Variants in SLC8A3 observed in about 807,000 individuals in gnomAD.
SLC8A3 encodes sodium/calcium exchanger 3.
In SLC8A3, 37 loss-of-function variants were observed where a neutral mutation model predicts 65.4. The observed-to-expected ratio is 0.57, with a 90% CI of 0.44 to 0.74. The LOEUF is 0.74. Ranked by LOEUF, SLC8A3 falls within the 30% of genes least tolerant of loss-of-function variation. The pLI is 0.00. For synonymous variants in SLC8A3, 461 were observed against 444.5 expected, an observed-to-expected ratio of 1.04 and a Z score of -0.47; for missense variants, 1,112 against 1,172.1, an observed-to-expected ratio of 0.95 and a Z score of 0.75.
chr14:70,159,516 A>G (rs189229413), intron 2 of SLC8A3, among the ~76,000 whole-genome samples: 208 of 152,264 alleles, frequency 1.4e-3, no homozygotes, highest in Middle Eastern at 6.8e-3. Flanking sequence ...CCTGGAGTTG[A>G]CAGGGCCTAG....
chr14:70,174,023 T>C (rs543767632), intron 1 of SLC8A3, among the ~76,000 whole-genome samples: 10 of 152,338 alleles, frequency 6.6e-5, no homozygotes, highest in African/African-American at 2.4e-4. Flanking sequence ...ACACTTGTTT[T>C]AGAGATGGCA....
intron 2 of SLC8A3, among the ~76,000 whole-genome samples, chr14:70,142,871 C>T (rs910417634): frequency 1.3e-5 from 2 of 152,104 alleles, no homozygotes; most frequent in Admixed American, 6.5e-5. Flanking sequence ...AAGAAGTCAC[C>T]GTTTTAGAGT....
intron 5 of SLC8A3, among the ~76,000 whole-genome samples, chr14:70,050,001 G>T (rs201880248): frequency 3.3e-5 from 5 of 152,316 alleles, no homozygotes; most frequent in African/African-American, 1.2e-4. Context: ...GTCATGTTTT[G>T]GCATAACCGG....
At chr14:70,157,397 A>G (rs961982229) in intron 2 of SLC8A3, among the ~76,000 whole-genome samples, 5 of 152,160 alleles carry the variant, frequency 3.3e-5, no homozygotes, top group African/African-American at 4.8e-5. Flanking sequence ...AGAGGGTGGG[A>G]GAAGGGGGCA....
At chr14:70,062,417 C>G (rs1888911591) in intron 2 of SLC8A3, among the ~76,000 whole-genome samples, 1 of 152,176 alleles carries the variant, frequency 6.6e-6, no homozygotes, top group African/African-American at 2.4e-5. Flanking sequence ...GATATTTTTA[C>G]TGTGCCTTTT....
intron 2 of SLC8A3, among the ~76,000 whole-genome samples, chr14:70,090,999 T>C (rs899734211): frequency 2.6e-5 from 4 of 152,190 alleles, no homozygotes; most frequent in African/African-American, 7.2e-5. Context: ...GGAGTGCCAG[T>C]TGACAACCCC....
intron 2 of SLC8A3, among the ~76,000 whole-genome samples, chr14:70,127,736 G>C (rs1279896222): frequency 1.3e-5 from 2 of 152,116 alleles, no homozygotes; most frequent in Admixed American, 1.3e-4. Context: ...CTTATAGAGG[G>C]GGGATTTGCC....
chr14:70,058,928 G>A (rs968925716), intron 3 of SLC8A3, among the ~76,000 whole-genome samples: 1 of 152,188 alleles, frequency 6.6e-6, no homozygotes, highest in Non-Finnish European at 1.5e-5. Context: ...ATGAATACAT[G>A]GAATAAATGC....
intron 1 of SLC8A3, among the ~76,000 whole-genome samples, chr14:70,168,824 T>C (rs1897326802): frequency 6.6e-6 from 1 of 152,242 alleles, no homozygotes; most frequent in Non-Finnish European, 1.5e-5. Flanking sequence ...ACCTGAATCT[T>C]CATGCCCATT....
chr14:70,110,640 C>T (rs1312349353), intron 2 of SLC8A3, among the ~76,000 whole-genome samples: 1 of 150,418 alleles, frequency 6.6e-6, no homozygotes, highest in Non-Finnish European at 1.5e-5. Context: ...GTGAACAGTG[C>T]TGCTGCAAAC....
chr14:70,171,094 G>C (rs528229434), intron 1 of SLC8A3, among the ~76,000 whole-genome samples: 64 of 152,334 alleles, frequency 4.2e-4, no homozygotes, highest in African/African-American at 1.5e-3. Context: ...TGAAAACCCT[G>C]ACACTTTGTG....
chr14:70,064,979 G>A (rs1044002749), intron 2 of SLC8A3, among the ~76,000 whole-genome samples: 9 of 152,050 alleles, frequency 5.9e-5, no homozygotes, highest in Admixed American at 1.3e-4. Flanking sequence ...GACCTCTCCC[G>A]GTGGGTGTGA....
intron 2 of SLC8A3, among the ~76,000 whole-genome samples, chr14:70,089,012 C>T (rs1355084419): frequency 2.0e-5 from 3 of 152,142 alleles, no homozygotes; most frequent in Non-Finnish European, 2.9e-5. Context: ...TGATTTGTAC[C>T]CACTCAACTT....
chr14:70,181,745 C>CA (rs1184273609), intron 1 of SLC8A3, among the ~76,000 whole-genome samples: 1 of 151,944 alleles, frequency 6.6e-6, no homozygotes, highest in Non-Finnish European at 1.5e-5. Flanking sequence ...CAAGGAACTG[C>CA]AAAAAATGGA....
intron 2 of SLC8A3, among the ~76,000 whole-genome samples, chr14:70,063,025 T>C (rs559686859): frequency 9.2e-5 from 14 of 152,190 alleles, no homozygotes; most frequent in Non-Finnish European, 1.3e-4. Flanking sequence ...ATGGGATGTA[T>C]GGGGTCATTG....
At chr14:70,087,950 G>A (rs1891552344) in intron 2 of SLC8A3, among the ~76,000 whole-genome samples, 1 of 152,188 alleles carries the variant, frequency 6.6e-6, no homozygotes, top group Non-Finnish European at 1.5e-5. Flanking sequence ...AAATATATGT[G>A]TACAATAGGT....
chr14:70,070,015 A>C (rs185675754), intron 2 of SLC8A3, among the ~76,000 whole-genome samples: 125 of 152,160 alleles, frequency 8.2e-4, no homozygotes, highest in African/African-American at 3.0e-3. Context: ...GAAAGAGGAG[A>C]AGCGGCTTGA....
chr14:70,184,966 C>CTTTTTTTTTTTTTTTTT (rs11337843), intron 1 of SLC8A3, among the ~76,000 whole-genome samples: 2 of 108,646 alleles, frequency 1.8e-5, no homozygotes, highest in Non-Finnish European at 2.0e-5. Flanking sequence ...TTTTTCTTTT[C>CTTTTTTTTTTTTTTTTT]TTTTTTTTTT....
At position 70,046,693 on chromosome 14, in the gene SLC8A3, A is replaced by G. The variant is rs1374795770; in HGVS notation, c.2390-370T>C. On this transcript the variant is annotated intron_variant, in intron 6 of 6. Transcript: ENST00000356921. This position sits in a 1 kb window ranked among gnomAD's most constrained non-coding sequence, Gnocchi z 4.2. ...GACACCCTGGGAAGCTGCTTGGAGTAGATGCCTGATTTTAACTGTCATATG... is the reference window on the plus strand; with the variant it reads ...GACACCCTGGGAAGCTGCTTGGAGTGGATGCCTGATTTTAACTGTCATATG... 5.1e-6 allele frequency: 1 copy of G among 194,382 alleles called. No homozygotes were observed. The highest frequency in any genetic ancestry group is 1.2e-4 in the East Asian group (1 of 8,420). 12.0% of individuals were successfully genotyped at this position (194,382 alleles called of 1,614,324 possible).
Sources: allele counts gnomAD v4.1 joint callset (sites outside exome capture counted in the v4.1 genomes callset), GRCh38; gene constraint gnomAD v4.1.1; non-coding constraint Gnocchi (gnomAD v3.1); transcripts MANE v1.5; gene names NCBI Gene and HGNC (gene_info 2026-07-23, HGNC 2026-07-21).